Variants in TRPM3 observed in about 807,000 individuals in gnomAD.
TRPM3 encodes long transient receptor potential channel 3.
Under a neutral mutation model 181.2 loss-of-function variants are expected in TRPM3, and 77 were observed. The ratio of observed to expected loss-of-function variants is 0.42; its 90% confidence interval spans 0.35 to 0.51. TRPM3 has a LOEUF of 0.51. TRPM3 is among the 20% of genes least tolerant of loss of function. The probability of loss-of-function intolerance (pLI) is 0.01; values close to 1 mark genes in which losing one functional copy is unlikely to be tolerated. For synonymous variants in TRPM3, 745 were observed against 796.4 expected, an observed-to-expected ratio of 0.94 and a Z score of 1.09; for missense variants, 1,759 against 2,196.7, an observed-to-expected ratio of 0.80 and a Z score of 3.98.
chr9:71,163,298 G>A (rs1365916453), intron 1 of TRPM3, among the ~76,000 whole-genome samples: 1 of 152,090 alleles, frequency 6.6e-6, no homozygotes, highest in Non-Finnish European at 1.5e-5. Flanking sequence ...CACTAGGGCA[G>A]GATCAATAGT....
intron 1 of TRPM3, among the ~76,000 whole-genome samples, chr9:71,134,031 G>A (rs925576480): frequency 5.9e-5 from 9 of 151,516 alleles, no homozygotes; most frequent in East Asian, 1.9e-4. Context: ...GCGCGCGCGC[G>A]CGTGTCTGTG....
intron 1 of TRPM3, among the ~76,000 whole-genome samples, chr9:71,177,374 A>C (rs957217351): frequency 6.6e-6 from 1 of 152,114 alleles, no homozygotes; most frequent in African/African-American, 2.4e-5. Context: ...CCCCTGGTCT[A>C]TGGAAAAATT....
At chr9:70,963,530 G>A (rs1446047314) in intron 1 of TRPM3, among the ~76,000 whole-genome samples, 1 of 152,154 alleles carries the variant, frequency 6.6e-6, no homozygotes, top group South Asian at 2.1e-4. Flanking sequence ...AATTGTCCAT[G>A]TCTTGGCTTG....
At chr9:71,372,764 C>A (rs2092557673) in intron 1 of TRPM3, among the ~76,000 whole-genome samples, 1 of 152,072 alleles carries the variant, frequency 6.6e-6, no homozygotes, top group Non-Finnish European at 1.5e-5. Flanking sequence ...TTCAAAGACA[C>A]CAAATGGCAA....
intron 1 of TRPM3, among the ~76,000 whole-genome samples, chr9:71,203,639 G>A (rs1472966694): frequency 6.6e-6 from 1 of 152,132 alleles, no homozygotes; most frequent in Non-Finnish European, 1.5e-5. Flanking sequence ...CTCTGTGTCT[G>A]AATTTCCTCA....
intron 7 of TRPM3, among the ~76,000 whole-genome samples, chr9:70,769,916 G>T (rs1394186410): frequency 6.6e-6 from 1 of 152,156 alleles, no homozygotes; most frequent in Non-Finnish European, 1.5e-5. Flanking sequence ...GGGTGACCAG[G>T]CGGTCTCCCC....
At chr9:70,926,535 T>C (rs1462581540) in intron 1 of TRPM3, among the ~76,000 whole-genome samples, 1 of 152,216 alleles carries the variant, frequency 6.6e-6, no homozygotes, top group Non-Finnish European at 1.5e-5. Flanking sequence ...TGAACTACTT[T>C]AGATCTTAAA....
At chr9:70,741,814 T>C (rs2074161364) in intron 8 of TRPM3, among the ~76,000 whole-genome samples, 1 of 151,970 alleles carries the variant, frequency 6.6e-6, no homozygotes, top group African/African-American at 2.4e-5. Context: ...GGACTTTGGG[T>C]ACTTGGGGAA....
At chr9:71,381,528 G>A (rs377275538) in intron 1 of TRPM3, among the ~76,000 whole-genome samples, 33 of 152,190 alleles carry the variant, frequency 2.2e-4, no homozygotes, top group East Asian at 9.6e-4. Context: ...AGATATCTGC[G>A]GCTGCATTAA....
intron 9 of TRPM3, among the ~76,000 whole-genome samples, chr9:70,655,988 G>C (rs564620398): frequency 3.1e-4 from 47 of 151,766 alleles, no homozygotes; most frequent in Middle Eastern, 6.8e-3. Flanking sequence ...CTAATTAATT[G>C]GCTTAAGAAA....
chr9:71,159,742 A>C (rs1418941209), intron 1 of TRPM3, among the ~76,000 whole-genome samples: 1 of 152,128 alleles, frequency 6.6e-6, no homozygotes, highest in African/African-American at 2.4e-5. Context: ...CTTCCTTACT[A>C]TTTGAAGTCT....
At chr9:70,697,368 T>G (rs1352362689) in intron 8 of TRPM3, among the ~76,000 whole-genome samples, 4 of 152,234 alleles carry the variant, frequency 2.6e-5, no homozygotes, top group Non-Finnish European at 5.9e-5. Flanking sequence ...AAAACATTTC[T>G]GTTTATCAGC....
intron 1 of TRPM3, among the ~76,000 whole-genome samples, chr9:71,301,226 G>A (rs1349225314): frequency 6.6e-6 from 1 of 152,144 alleles, no homozygotes; most frequent in East Asian, 1.9e-4. Flanking sequence ...CTGAGCAAGT[G>A]ACACAGCACC....
At chr9:71,352,240 AT>A (rs1354564690) in intron 1 of TRPM3, among the ~76,000 whole-genome samples, 1 of 152,194 alleles carries the variant, frequency 6.6e-6, no homozygotes, top group East Asian at 1.9e-4. Context: ...TTTGTTTTAC[AT>A]TTTTATGTAT....
At position 71,035,582 on chromosome 9, in the gene TRPM3, T is replaced by C. The variant is rs114184938; in HGVS notation, c.177+85596A>G. Among the ~76,000 whole-genome samples, 928 of 152,208 alleles carry C rather than the reference T, an allele frequency of 6.1e-3. 9 individuals are homozygous for C. The highest frequency in any genetic ancestry group is 0.021 in the African/African-American group (857 of 41,532). ...AAATACAAAAATTAGCCAGGCTTGA[T>C]AGCACATGCCTGTAATCCCAGCTAC... On this transcript the variant is annotated intron_variant, in intron 1 of 25. Coordinates refer to ENST00000677713, the MANE Select transcript of TRPM3 (RefSeq NM_001366145.2).
chr9:70,850,219 C>T (rs80053363), intron 3 of TRPM3, among the ~76,000 whole-genome samples: 2,047 of 152,178 alleles, frequency 0.013, 47 homozygotes, highest in African/African-American at 0.046. Flanking sequence ...AACTCTCATG[C>T]AGAGGGCAAA....
Position 70,937,361 on chromosome 9 carries a change from A to C in TRPM3, c.178-72850T>G, listed in dbSNP as rs144272257. 7.9e-5 allele frequency among the ~76,000 whole-genome samples: 12 copies of C among 152,308 alleles called. No homozygotes were observed. The East Asian group carries it at 2.3e-3, about 29-fold the overall frequency. On this transcript the variant is annotated intron_variant, in intron 1 of 25. Transcript: ENST00000677713. ...TGGCAGTGTACCATCCATAAGTTAG[A>C]AGATTTGTTTATGATTCTAAATGCA...
intron 1 of TRPM3, among the ~76,000 whole-genome samples, chr9:71,316,214 C>A (rs544849126): frequency 6.6e-6 from 1 of 152,138 alleles, no homozygotes; most frequent in Non-Finnish European, 1.5e-5. Flanking sequence ...ATCCCAACGT[C>A]TACTTTTCTG....
chr9:71,359,187 G>A (rs1030617622), intron 1 of TRPM3, among the ~76,000 whole-genome samples: 1 of 152,172 alleles, frequency 6.6e-6, no homozygotes, highest in Non-Finnish European at 1.5e-5. Context: ...CTTAGAGCTT[G>A]AATGTGAGGT....
Sources: gnomAD v4.1 joint callset for allele counts (sites outside exome capture counted in the v4.1 genomes callset) on GRCh38, gnomAD v4.1.1 for gene constraint, MANE v1.5 for transcripts, NCBI Gene and HGNC (gene_info 2026-07-23, HGNC 2026-07-21) for gene names.